The following BICD2 variants were observed in gnomAD, a reference collection of about 807,000 sequenced individuals.
BICD2 encodes the protein protein bicaudal D homolog 2.
A neutral mutation model predicts 72.9 loss-of-function variants in BICD2; 25 were observed. That is an observed-to-expected ratio of 0.34 (90% CI 0.25 to 0.48). The LOEUF (loss-of-function observed/expected upper bound fraction) is 0.48, where lower values mean the gene tolerates loss of function less well. Among genes scored for constraint, BICD2 ranks in the 20% least tolerant of loss-of-function variants. The probability of loss-of-function intolerance (pLI) is 0.99; values close to 1 mark genes in which losing one functional copy is unlikely to be tolerated. For missense variants in BICD2, 894 were observed against 1,175.2 expected, an observed-to-expected ratio of 0.76 and a Z score of 3.50; for synonymous variants, 501 against 516.1, an observed-to-expected ratio of 0.97 and a Z score of 0.40.
At position 92,726,995 on chromosome 9, in the gene BICD2, G is replaced by A. The variant is rs545718274; in HGVS notation, c.453+2029C>T. Among the ~76,000 whole-genome samples the A allele has an allele frequency of 2.1e-3, 319 of 152,278 alleles. 2 individuals carry two copies. Among genetic ancestry groups the A allele is most frequent in the Non-Finnish European group, 3.7e-3 (251 of 68,008 alleles). On this transcript the variant is annotated intron_variant, in intron 2 of 6. Transcript: ENST00000356884. The stretch of plus-strand genomic sequence containing the variant: ...CTGCACACGCTTTTCAGGAATAGAC[G>A]GGCCAGACAGATGGCAGCTGGGGCA...
rs1393388047 is a variant in BICD2, at chr9:92,722,905, G to T, written c.454-97C>A. ...CACGCCATGGCCAGCCATACAGCCA[G>T]AACTCAAGAGCCCTGGCCTGCAGGT... On this transcript the variant is annotated intron_variant, in intron 2 of 6. Transcript: ENST00000356884. 7 of 1,479,136 alleles carry T rather than the reference G, an allele frequency of 4.7e-6. No homozygotes were observed. In the East Asian group the frequency reaches 1.4e-4, roughly 29 times the overall value. The allele number at this position is 1,479,136 out of a possible 1,614,324, so 91.6% of individuals were successfully genotyped here. A position where few individuals can be genotyped will look rare whatever the true frequency, so the allele number is the denominator to read the frequency against.
At chr9:92,727,344 C>T (rs1853587826) in intron 2 of BICD2, among the ~76,000 whole-genome samples, 1 of 152,202 alleles carries the variant, frequency 6.6e-6, no homozygotes, top group Non-Finnish European at 1.5e-5. Context: ...GTGTCAGGAA[C>T]AAGGGTCCAT....
Position 92,714,274 on chromosome 9 carries a change from T to G in BICD2, c.*880A>C. The G allele has an allele frequency of 1.0e-6, 1 of 985,546 alleles. No homozygotes were observed. The highest frequency in any genetic ancestry group is 1.2e-6 in the Non-Finnish European group (1 of 829,988). 61.1% of individuals were successfully genotyped at this position (985,546 alleles called of 1,614,324 possible). A position where few individuals can be genotyped will look rare whatever the true frequency, so the allele number is the denominator to read the frequency against. On this transcript the variant is annotated 3_prime_UTR_variant, in exon 7 of 7. Transcript: ENST00000356884. Reference sequence around the variant, plus strand: ...CTAGGGTTTTCAAAGCCCCATGTCTTTGGGACTGAACCCCCTATGGAAGGC... The same window carrying G: ...CTAGGGTTTTCAAAGCCCCATGTCTGTGGGACTGAACCCCCTATGGAAGGC...
chr9:92,747,659 C>G (rs1169309429), intron 1 of BICD2, among the ~76,000 whole-genome samples: 1 of 151,268 alleles, frequency 6.6e-6, no homozygotes, highest in Non-Finnish European at 1.5e-5. Flanking sequence ...ATAGCTCAGG[C>G]AGAAGGCAGG....
chr9:92,718,909 C>T lies in BICD2; in HGVS notation c.1736G>A (p.Gly579Asp), dbSNP rs768293659. 4 of 1,602,360 alleles carry T rather than the reference C, an allele frequency of 2.5e-6. No individual in the cohort carries two copies. The highest frequency in any genetic ancestry group is 1.7e-5 in the Admixed American group (1 of 58,770). ...GGGTAGGAGGATGGGTGAGCGCCGG[C>T]CACGCGCCTCGGGGCTGGTGCGGCC... ...PGGRTSPEAR[G>D]RRSPILLPKG... is the part of the protein sequence containing the mutation. The change falls in exon 5 of 7, where the codon GGC becomes GAC. Residue 579 changes from glycine (G) to aspartate (D), a missense_variant. This residue lies in a region of BICD2 where 321 missense variants were observed against 443.9 expected (regional missense o/e 0.72). Transcript: ENST00000356884.
At chr9:92,743,232 A>G (rs749485281) in intron 1 of BICD2, among the ~76,000 whole-genome samples, 5 of 151,972 alleles carry the variant, frequency 3.3e-5, no homozygotes, top group Non-Finnish European at 5.9e-5. Context: ...TCACTCTGTC[A>G]CCCAGACTGG....
At chr9:92,738,552 C>T (rs1853834438) in intron 1 of BICD2, among the ~76,000 whole-genome samples, 1 of 152,216 alleles carries the variant, frequency 6.6e-6, no homozygotes, top group South Asian at 2.1e-4. Flanking sequence ...GATATCTCCA[C>T]AATAAGAGCT....
intron 1 of BICD2, among the ~76,000 whole-genome samples, chr9:92,736,870 G>C (rs1351408403): frequency 6.6e-6 from 1 of 152,208 alleles, no homozygotes; most frequent in South Asian, 2.1e-4. Flanking sequence ...CTTGCCAAGG[G>C]TGCACAGTCT....
intron 1 of BICD2, among the ~76,000 whole-genome samples, chr9:92,734,823 C>T (rs150185025): frequency 6.6e-6 from 1 of 152,326 alleles, no homozygotes; most frequent in Non-Finnish European, 1.5e-5. Context: ...TCTGCCCAAC[C>T]TACCATCAGG....
At chr9:92,753,834 C>T (rs527503997) in intron 1 of BICD2, among the ~76,000 whole-genome samples, 9 of 152,016 alleles carry the variant, frequency 5.9e-5, no homozygotes, top group South Asian at 2.1e-4. Context: ...CCACCGTGCC[C>T]GGCCGGTAGC....
intron 2 of BICD2, among the ~76,000 whole-genome samples, chr9:92,724,062 C>T (rs1853517481): frequency 6.6e-6 from 1 of 152,202 alleles, no homozygotes; most frequent in African/African-American, 2.4e-5. Context: ...CTATCCCCTC[C>T]CTGTACTCTG....
rs992704321 is a variant in BICD2, at chr9:92,713,596, CA to C, written c.*1557del. 1 of 1,530,720 alleles carries C rather than the reference CA, an allele frequency of 6.5e-7. No homozygotes were observed. Among genetic ancestry groups the C allele is most frequent in the Non-Finnish European group, 8.8e-7 (1 of 1,133,962 alleles). The allele number at this position is 1,530,720 out of a possible 1,614,324, so 94.8% of individuals were successfully genotyped here. On this transcript the variant is annotated 3_prime_UTR_variant, in exon 7 of 7. Transcript: ENST00000356884. ...AGAAGAGAAGACCTGCATGTGTTAG[CA>C]GGGGTCCCAGTGGCTTGGGTGTCTG... is the stretch of plus-strand genomic sequence containing the variant.
In BICD2 at chr9:92,714,046, T is replaced by C. The variant is rs2131494672; in HGVS notation, c.*1108A>G. 1 of 986,060 alleles carries C rather than the reference T, an allele frequency of 1.0e-6. No individual in the cohort carries two copies. Among genetic ancestry groups the C allele is most frequent in the South Asian group, 4.7e-5 (1 of 21,338 alleles). 61.1% of individuals were successfully genotyped at this position (986,060 alleles called of 1,614,324 possible). ...CAGGTGTGGATGGAGCCTCTGGAAA[T>C]GGGAGAACCCTACAGCTACCTTTCC... On this transcript the variant is annotated 3_prime_UTR_variant, in exon 7 of 7. Transcript: ENST00000356884.
intron 1 of BICD2, among the ~76,000 whole-genome samples, chr9:92,754,111 C>T (rs1368012915): frequency 6.7e-6 from 1 of 150,238 alleles, no homozygotes; most frequent in East Asian, 2.0e-4. Context: ...CGCCACTGCA[C>T]TCCAGCCTGG....
intron 2 of BICD2, among the ~76,000 whole-genome samples, chr9:92,728,174 C>T (rs1853604624): frequency 6.6e-6 from 1 of 152,228 alleles, no homozygotes; most frequent in African/African-American, 2.4e-5. Flanking sequence ...CAGCAACCTT[C>T]CCAAATCCTG....
intron 1 of BICD2, among the ~76,000 whole-genome samples, chr9:92,733,715 C>T (rs1853720662): frequency 1.3e-5 from 2 of 152,140 alleles, no homozygotes; most frequent in East Asian, 3.9e-4. Context: ...TGCTTGTAAT[C>T]CCAGCACTTC....
At chr9:92,729,355 G>C in intron 1 of BICD2, 119 bp from the exon 2 acceptor site, 1 of 1,100,418 alleles carries the variant, frequency 9.1e-7, no homozygotes, top group South Asian at 1.5e-5. Flanking sequence ...GGGGACTGTG[G>C]GCCTGAAGGG....
In BICD2 at chr9:92,729,172, C is replaced by G; in HGVS notation, c.305G>C (p.Ser102Thr). The change falls in exon 2 of 7, where the codon AGC becomes ACC. Residue 102 changes from serine to threonine, a missense_variant. This residue lies in a region of BICD2 where 192 missense variants were observed against 243.6 expected (regional missense o/e 0.79). Transcript: ENST00000356884. ...CTTGGAGGCCGACTCCTGGATCAGG[C>G]TCTCCTCCCGGCTCTCTCCGTCAGC... The part of the protein sequence containing the change: ...VAADGESREE[S>T]LIQESASKEQ... 1 of 1,614,232 alleles carries G rather than the reference C, an allele frequency of 6.2e-7. No homozygotes were observed. Among genetic ancestry groups the G allele is most frequent in the Admixed American group, 1.7e-5 (1 of 60,034 alleles).
chr9:92,750,943 C>T (rs546888506), intron 1 of BICD2, among the ~76,000 whole-genome samples: 31 of 152,184 alleles, frequency 2.0e-4, no homozygotes, highest in African/African-American at 7.5e-4. Context: ...GATAGAGTCG[C>T]TCTGTTGCCC....
Sources: allele counts gnomAD v4.1 joint callset (sites outside exome capture counted in the v4.1 genomes callset), GRCh38; gene constraint gnomAD v4.1.1; regional missense constraint gnomAD v4.1.1; transcripts MANE v1.5; gene names NCBI Gene and HGNC (gene_info 2026-07-23, HGNC 2026-07-21).